Variants in KCNJ6 observed in about 807,000 individuals in gnomAD.
KCNJ6 encodes the protein G protein-activated inward rectifier potassium channel 2.
Under a neutral mutation model 34.2 loss-of-function variants are expected in KCNJ6, and 9 were observed. The ratio of observed to expected loss-of-function variants is 0.26; its 90% confidence interval spans 0.16 to 0.46. The LOEUF (loss-of-function observed/expected upper bound fraction) is 0.46, where lower values mean the gene tolerates loss of function less well. Ranked by LOEUF, KCNJ6 falls within the 20% of genes least tolerant of loss-of-function variation. The pLI is 1.00. For synonymous variants in KCNJ6, 196 were observed against 207.1 expected, an observed-to-expected ratio of 0.95 and a Z score of 0.46; for missense variants, 236 against 531.3, an observed-to-expected ratio of 0.44 and a Z score of 5.46.
chr21:37,756,825 T>A (rs868350691), intron 2 of KCNJ6, among the ~76,000 whole-genome samples: 4 of 118,192 alleles, frequency 3.4e-5, no homozygotes, highest in African/African-American at 6.9e-5. Flanking sequence ...TCCCTCACAG[T>A]GTGATGATTC....
rs1479485933 is a variant in KCNJ6 at position 37,624,477 on chromosome 21, T to C, written c.*682A>G. On this transcript the variant is annotated 3_prime_UTR_variant, in exon 4 of 4. Transcript: ENST00000609713. Reference sequence around the variant, plus strand: ...ATGTTAGGAATCTTTCTTTCTTTCTTTTTTTTTTTGCTTCTTATTTCTAAA... The same window carrying C: ...ATGTTAGGAATCTTTCTTTCTTTCTCTTTTTTTTTGCTTCTTATTTCTAAA... 1 of 149,560 alleles carries C rather than the reference T, an allele frequency of 6.7e-6. No individual in the cohort carries two copies. The highest frequency in any genetic ancestry group is 2.4e-5 in the African/African-American group (1 of 40,972). The allele number at this position is 149,560 out of a possible 1,614,324, so 9.3% of individuals were successfully genotyped here.
At chr21:37,792,015 T>C (rs553174331) in intron 2 of KCNJ6, among the ~76,000 whole-genome samples, 2 of 152,254 alleles carry the variant, frequency 1.3e-5, no homozygotes, top group Admixed American at 1.3e-4. Flanking sequence ...GCAGGGTTTT[T>C]AAATTGATAT....
At chr21:37,721,241 T>TATTA (rs2054824568) in intron 2 of KCNJ6, among the ~76,000 whole-genome samples, 1 of 152,152 alleles carries the variant, frequency 6.6e-6, no homozygotes, top group South Asian at 2.1e-4. Context: ...ACTTCACATC[T>TATTA]ATTAGATGGT....
intron 3 of KCNJ6, among the ~76,000 whole-genome samples, chr21:37,664,729 T>C (rs2054505706): frequency 6.6e-6 from 1 of 151,782 alleles, no homozygotes; most frequent in Non-Finnish European, 1.5e-5. Context: ...CTCTGAGTTT[T>C]CCCAAACATT....
rs1410305157 is a variant in KCNJ6 at position 37,623,883 on chromosome 21, A to G, written c.*1276T>C. ...CAGGGACAGGCGAGATGTCATTCTCAGAAAGCCAGATAGAGTCAAAGTGAG... is the reference window on the plus strand; with the variant it reads ...CAGGGACAGGCGAGATGTCATTCTCGGAAAGCCAGATAGAGTCAAAGTGAG... On this transcript the variant is annotated 3_prime_UTR_variant, in exon 4 of 4. Coordinates refer to ENST00000609713, the MANE Select transcript of KCNJ6 (RefSeq NM_002240.5). The G allele has an allele frequency of 1.3e-5, 2 of 152,238 alleles. No homozygotes were observed. The highest frequency in any genetic ancestry group is 4.8e-5 in the African/African-American group (2 of 41,470). The allele number at this position is 152,238 out of a possible 1,614,324, so 9.4% of individuals were successfully genotyped here. A position where few individuals can be genotyped will look rare whatever the true frequency, so the allele number is the denominator to read the frequency against.
chr21:37,758,154 C>G (rs2055040696), intron 2 of KCNJ6, among the ~76,000 whole-genome samples: 1 of 150,782 alleles, frequency 6.6e-6, no homozygotes, highest in East Asian at 1.9e-4. Context: ...AGGCATGAAT[C>G]CTTGAGCGAT....
intron 3 of KCNJ6, among the ~76,000 whole-genome samples, chr21:37,679,148 A>C (rs1054260882): frequency 1.3e-5 from 2 of 152,194 alleles, no homozygotes; most frequent in Non-Finnish European, 1.5e-5. Flanking sequence ...ATATTAGTGT[A>C]TCATCTTGGA....
At chr21:37,832,785 C>T (rs1451863700) in intron 2 of KCNJ6, among the ~76,000 whole-genome samples, 3 of 152,090 alleles carry the variant, frequency 2.0e-5, no homozygotes, top group South Asian at 4.2e-4. Context: ...GCCTGGAGGT[C>T]GGTGGGAAGA....
At chr21:37,639,528 A>G (rs2054372127) in intron 3 of KCNJ6, among the ~76,000 whole-genome samples, 2 of 152,024 alleles carry the variant, frequency 1.3e-5, no homozygotes, top group Admixed American at 1.3e-4. Context: ...TGCTTTTGTC[A>G]TTCTTTTTCT....
rs2054248931 is a variant in KCNJ6 at position 37,613,156 on chromosome 21, G to T, written c.*12003C>A. On this transcript the variant is annotated 3_prime_UTR_variant, in exon 4 of 4. Transcript: ENST00000609713. ...CCTGAACAGACACCTCACCAAAGAA[G>T]ATGTACAGATGGAAAACAAGCATAT... The T allele has an allele frequency of 6.6e-6, 1 of 152,202 alleles. No homozygotes were observed. Among genetic ancestry groups the T allele is most frequent in the South Asian group, 2.1e-4 (1 of 4,820 alleles). 9.4% of individuals were successfully genotyped at this position (152,202 alleles called of 1,614,324 possible).
chr21:37,807,049 AG>A (rs920947403), intron 2 of KCNJ6, among the ~76,000 whole-genome samples: 1 of 152,184 alleles, frequency 6.6e-6, no homozygotes, highest in Non-Finnish European at 1.5e-5. Flanking sequence ...CAATTTAGAA[AG>A]GTTGTTTTTC....
intron 1 of KCNJ6, among the ~76,000 whole-genome samples, chr21:37,844,800 T>C (rs936620452): frequency 4.6e-5 from 7 of 152,188 alleles, no homozygotes; most frequent in Non-Finnish European, 1.0e-4. Flanking sequence ...CTGAGTTTTA[T>C]CTTTAGGTTT....
intron 2 of KCNJ6, among the ~76,000 whole-genome samples, chr21:37,777,329 T>C (rs2055147233): frequency 6.6e-6 from 1 of 152,206 alleles, no homozygotes; most frequent in African/African-American, 2.4e-5. Context: ...CTGTCTCCCC[T>C]GCCCCTATCT....
chr21:37,794,473 C>T (rs2055231491), intron 2 of KCNJ6, among the ~76,000 whole-genome samples: 1 of 152,156 alleles, frequency 6.6e-6, no homozygotes, highest in Admixed American at 6.5e-5. Flanking sequence ...AAACCAAAGA[C>T]TGGGAAAAGC....
intron 1 of KCNJ6, among the ~76,000 whole-genome samples, chr21:37,885,362 C>T (rs2055730144): frequency 1.3e-5 from 2 of 151,958 alleles, no homozygotes; most frequent in Admixed American, 1.3e-4. Context: ...CAAAGGTGGC[C>T]CCCAAGATCC....
At chr21:37,897,978 T>C (rs1241939777) in intron 1 of KCNJ6, among the ~76,000 whole-genome samples, 1 of 152,222 alleles carries the variant, frequency 6.6e-6, no homozygotes, top group Non-Finnish European at 1.5e-5. Context: ...GAAGGGAAGA[T>C]TCCTATTAAA....
chr21:37,896,281 C>A (rs2055787761), intron 1 of KCNJ6, among the ~76,000 whole-genome samples: 1 of 152,194 alleles, frequency 6.6e-6, no homozygotes, highest in African/African-American at 2.4e-5. Context: ...TTCCAGGCCC[C>A]AACTCCATTA....
chr21:37,655,221 GTGTGAGAGAGAGA>G (rs2054455918), intron 3 of KCNJ6, among the ~76,000 whole-genome samples: 1 of 18,880 alleles, frequency 5.3e-5, no homozygotes, highest in African/African-American at 8.1e-5. Flanking sequence ...GTGTGTGTGT[GTGTGAGAGAGAGA>G]GAGAGAGAGA....
chr21:37,852,854 T>A (rs184038210), intron 1 of KCNJ6, among the ~76,000 whole-genome samples: 1 of 151,856 alleles, frequency 6.6e-6, no homozygotes, highest in African/African-American at 2.4e-5. Context: ...TGGAAAAAAA[T>A]TCAGAACTAA....
Sources: allele counts gnomAD v4.1 joint callset (sites outside exome capture counted in the v4.1 genomes callset), GRCh38; gene constraint gnomAD v4.1.1; transcripts MANE v1.5; gene names NCBI Gene and HGNC (gene_info 2026-07-23, HGNC 2026-07-21).